The following DMD variants were observed in gnomAD, a reference collection of about 807,000 sequenced individuals.
The protein encoded by DMD is mutant dystrophin.
DMD carries 63 observed loss-of-function variants against 330.1 expected under a neutral mutation model. That is an observed-to-expected ratio of 0.19 (90% confidence interval 0.16 to 0.24). The LOEUF is 0.24. Among genes scored for constraint, DMD ranks in the 10% least tolerant of loss-of-function variants. The pLI is 1.00. For synonymous variants in DMD, 1,223 were observed against 959.8 expected, an observed-to-expected ratio of 1.27 and a Z score of -5.07; for missense variants, 3,344 against 2,684.1, an observed-to-expected ratio of 1.25 and a Z score of -5.43.
intron 60 of DMD, among the ~76,000 whole-genome samples, chrX:31,353,031 T>A (rs757165981): frequency 2.7e-5 from 3 of 111,490 alleles, no homozygotes; most frequent in African/African-American, 9.7e-5. Flanking sequence ...TCTGGCACAA[T>A]CAGTTCTTTC....
At chrX:32,947,170 A>G (rs908991309) in intron 2 of DMD, among the ~76,000 whole-genome samples, 1 of 112,117 alleles carries the variant, frequency 8.9e-6, no homozygotes, top group Non-Finnish European at 1.9e-5. Context: ...ATACACCAAT[A>G]CTTATGAGGG....
chrX:32,722,726 TA>T (rs1165944783), intron 7 of DMD, among the ~76,000 whole-genome samples: 1 of 111,473 alleles, frequency 9.0e-6, no homozygotes, highest in African/African-American at 3.3e-5. Flanking sequence ...TAGAATTTTT[TA>T]AAATTTTTTG....
chrX:31,882,483 T>C (rs773606472), intron 47 of DMD, among the ~76,000 whole-genome samples: 31 of 112,048 alleles, frequency 2.8e-4, no homozygotes, highest in African/African-American at 9.4e-4. Flanking sequence ...TTTAGGTTAA[T>C]GTATTATTTT....
At chrX:33,104,702 G>A (rs190745028) in intron 1 of DMD, among the ~76,000 whole-genome samples, 1 of 112,086 alleles carries the variant, frequency 8.9e-6, no homozygotes, top group East Asian at 2.8e-4. Context: ...ACACGGACGC[G>A]TATGAAAGAA....
intron 64 of DMD, among the ~76,000 whole-genome samples, chrX:31,220,714 T>C (rs1365513905): frequency 9.1e-6 from 1 of 110,459 alleles, no homozygotes; most frequent in Admixed American, 9.7e-5. Context: ...CACAGCTCCG[T>C]GTCTAACCTT....
intron 9 of DMD, among the ~76,000 whole-genome samples, chrX:32,656,771 A>G (rs1433495476): frequency 1.8e-5 from 2 of 111,864 alleles, no homozygotes; most frequent in Non-Finnish European, 3.8e-5. Context: ...CAGTACACAG[A>G]TAATAAATAT....
intron 55 of DMD, among the ~76,000 whole-genome samples, chrX:31,535,948 G>C (rs759705551): frequency 1.5e-4 from 17 of 112,193 alleles, no homozygotes; most frequent in African/African-American, 5.5e-4. Context: ...CCTAGTACAT[G>C]ATGAACAAGT....
At chrX:32,912,772 G>A (rs887686662) in intron 2 of DMD, among the ~76,000 whole-genome samples, 1 of 111,284 alleles carries the variant, frequency 9.0e-6, no homozygotes, top group Non-Finnish European at 1.9e-5. Context: ...CAAATTTCAC[G>A]ACCACCGTTA....
At chrX:32,390,036 A>G (rs760164283) in intron 31 of DMD, 35 bp downstream of exon 31, 5 of 1,121,222 alleles carry the variant, frequency 4.5e-6, no homozygotes, top group Admixed American at 4.4e-5. Flanking sequence ...ATGCCCAACG[A>G]AAACACGTTC....
intron 44 of DMD, among the ~76,000 whole-genome samples, chrX:32,164,798 C>A (rs1337359884): frequency 9.2e-6 from 1 of 109,197 alleles, no homozygotes; most frequent in Non-Finnish European, 1.9e-5. Context: ...ACCAGGTCCC[C>A]CCCCCAACCC....
chrX:31,834,310 T>C (rs933531306), intron 49 of DMD, among the ~76,000 whole-genome samples: 8 of 111,866 alleles, frequency 7.2e-5, no homozygotes, highest in African/African-American at 2.6e-4. Flanking sequence ...TGTTTCAGGC[T>C]ACCGCAAACC....
chrX:32,229,407 G>A (rs1315961355), intron 43 of DMD, among the ~76,000 whole-genome samples: 1 of 107,695 alleles, frequency 9.3e-6, no homozygotes, highest in Non-Finnish European at 1.9e-5. Context: ...CATCCTTGGT[G>A]GTTCTTCATC....
At chrX:32,206,288 A>C in intron 44 of DMD, 1 of 548,152 alleles carries the variant, frequency 1.8e-6, no homozygotes, top group Non-Finnish European at 3.2e-6. Flanking sequence ...AGGATGTGAA[A>C]CTCATAAGTA....
At chrX:33,036,348 C>G in intron 1 of DMD, among the ~76,000 whole-genome samples, 1 of 111,814 alleles carries the variant, frequency 8.9e-6, no homozygotes. Context: ...AGACACCTTA[C>G]TTTCTTCATT....
chrX:32,410,521 C>G (rs2098137313), intron 30 of DMD, among the ~76,000 whole-genome samples: 1 of 111,586 alleles, frequency 9.0e-6, no homozygotes, highest in Admixed American at 9.6e-5. Flanking sequence ...ATCTACAAAT[C>G]TAATATATCA....
intron 46 of DMD, among the ~76,000 whole-genome samples, chrX:31,931,666 G>A (rs1270160838): frequency 9.0e-6 from 1 of 111,337 alleles, no homozygotes; most frequent in African/African-American, 3.3e-5. Flanking sequence ...GATTAAAAAA[G>A]TGATTCCCAT....
At chrX:32,946,914 T>G (rs980558013) in intron 2 of DMD, among the ~76,000 whole-genome samples, 26 of 112,120 alleles carry the variant, frequency 2.3e-4, no homozygotes, top group Middle Eastern at 4.6e-3. Context: ...TCTGTAAGTT[T>G]TAAAGACTCT....
intron 63 of DMD, among the ~76,000 whole-genome samples, chrX:31,247,942 A>G (rs2147423594): frequency 8.9e-6 from 1 of 111,851 alleles, no homozygotes; most frequent in South Asian, 3.8e-4. Context: ...GAAATCTTTC[A>G]CAAAAGGAAG....
rs141357117 is a variant in DMD at position 32,462,122 on chromosome X, T to C, written c.3432+1317A>G. The stretch of plus-strand genomic sequence containing the variant: ...AAAAAGGTACAGTAGTTCCCTTGTA[T>C]CTTTGGAAGATATGTTCATACCAAG... On this transcript the variant is annotated intron_variant, in intron 25 of 78. Coordinates refer to ENST00000357033, the MANE Select transcript of DMD (RefSeq NM_004006.3). Among the ~76,000 whole-genome samples, 926 of 111,594 alleles carry C rather than the reference T, an allele frequency of 8.3e-3. 3 individuals are homozygous for C. The highest frequency in any genetic ancestry group is 0.028 in the Middle Eastern group (6 of 218).
Sources: gnomAD v4.1 joint callset for allele counts (sites outside exome capture counted in the v4.1 genomes callset) on GRCh38, gnomAD v4.1.1 for gene constraint, MANE v1.5 for transcripts, NCBI Gene and HGNC (gene_info 2026-07-23, HGNC 2026-07-21) for gene names.